Variants in ARHGAP26 observed in about 807,000 individuals in gnomAD.
The protein encoded by ARHGAP26 is Rho GTPase activating protein 26.
In ARHGAP26, 38 loss-of-function variants were observed where a neutral mutation model predicts 104.8. The observed-to-expected ratio is 0.36, with a 90% CI of 0.28 to 0.48. The LOEUF is 0.48. Among genes scored for constraint, ARHGAP26 ranks in the 20% least tolerant of loss-of-function variants. The pLI, the probability that ARHGAP26 is intolerant of heterozygous loss-of-function variation, is 0.99. For synonymous variants in ARHGAP26, 341 were observed against 340.0 expected (o/e 1.00, Z -0.03); for missense variants, 704 against 947.9 (o/e 0.74, Z 3.38).
At chr5:142,788,658 G>T (rs373917198) in intron 1 of ARHGAP26, among the ~76,000 whole-genome samples, 4 of 152,242 alleles carry the variant, frequency 2.6e-5, no homozygotes, top group African/African-American at 9.6e-5. Context: ...CTATTACCTT[G>T]TATTAGGTAT....
chr5:142,787,356 T>C (rs1161174345), intron 1 of ARHGAP26, among the ~76,000 whole-genome samples: 1 of 152,224 alleles, frequency 6.6e-6, no homozygotes, highest in Non-Finnish European at 1.5e-5. Context: ...TTTGGGTTAG[T>C]TGAACAGCTC....
intron 1 of ARHGAP26, among the ~76,000 whole-genome samples, chr5:142,813,286 A>G (rs1025468776): frequency 4.6e-5 from 7 of 152,154 alleles, no homozygotes; most frequent in African/African-American, 1.7e-4. Flanking sequence ...TGTGTAATTG[A>G]CATAAGATTT....
At chr5:143,167,236 G>A (rs913389476) in intron 20 of ARHGAP26, among the ~76,000 whole-genome samples, 7 of 150,968 alleles carry the variant, frequency 4.6e-5, no homozygotes, top group Non-Finnish European at 8.8e-5. Flanking sequence ...GGAGGCCAAG[G>A]TGGGTGGATC....
At chr5:142,974,996 C>T (rs963107648) in intron 11 of ARHGAP26, among the ~76,000 whole-genome samples, 3 of 152,126 alleles carry the variant, frequency 2.0e-5, no homozygotes, top group African/African-American at 7.2e-5. Context: ...AGATCTAGCA[C>T]CAAACCTCCC....
intron 17 of ARHGAP26, among the ~76,000 whole-genome samples, chr5:143,078,512 G>A (rs1233455823): frequency 6.6e-6 from 1 of 152,100 alleles, no homozygotes; most frequent in Non-Finnish European, 1.5e-5. Flanking sequence ...CTTTTAGTTT[G>A]CCATCTCAGA....
At chr5:143,173,394 G>A (rs1332926732) in intron 20 of ARHGAP26, among the ~76,000 whole-genome samples, 5 of 152,172 alleles carry the variant, frequency 3.3e-5, no homozygotes, top group Non-Finnish European at 7.3e-5. Context: ...AGCCACGAGG[G>A]CCTAGAGGGA....
At chr5:142,852,401 G>T (rs781249107) in intron 1 of ARHGAP26, among the ~76,000 whole-genome samples, 11 of 152,336 alleles carry the variant, frequency 7.2e-5, no homozygotes, top group South Asian at 4.1e-4. Flanking sequence ...TAAGGTCAAA[G>T]GCATTCTTGG....
chr5:143,188,961 G>T (rs765169114), intron 20 of ARHGAP26, among the ~76,000 whole-genome samples: 4 of 152,274 alleles, frequency 2.6e-5, no homozygotes, highest in African/African-American at 9.6e-5. Flanking sequence ...GTAGTTCCCC[G>T]TTTCCAAAAT....
At chr5:142,826,447 G>A (rs183659673) in intron 1 of ARHGAP26, among the ~76,000 whole-genome samples, 2 of 152,300 alleles carry the variant, frequency 1.3e-5, no homozygotes, top group Admixed American at 1.3e-4. Context: ...TTTAAAGAGG[G>A]GTAAATAAGT....
chr5:143,029,392 G>GTTTTTTT lies in ARHGAP26; in HGVS notation c.1145-7780_1145-7774dup, dbSNP rs536919888. On this transcript the variant is annotated intron_variant, in intron 12 of 22. Transcript: ENST00000645722. ...CATGTTAGAAATCCTTTACTTCTCAGTTTTTTTTTTTTTTTTTTTTTTTTT... is the reference window on the plus strand; with the variant it reads ...CATGTTAGAAATCCTTTACTTCTCAGTTTTTTTTTTTTTTTTTTTTTTTTTTTTTTTT... Among the ~76,000 whole-genome samples, 10 of 80,846 alleles carry GTTTTTTT rather than the reference G, an allele frequency of 1.2e-4. 1 individual carries two copies. Among genetic ancestry groups the GTTTTTTT allele is most frequent in the East Asian group, 8.7e-4 (2 of 2,298 alleles). 53.0% of individuals were successfully genotyped at this position (80,846 alleles called of 152,430 possible).
intron 5 of ARHGAP26, among the ~76,000 whole-genome samples, chr5:142,888,241 C>T (rs927262827): frequency 6.6e-6 from 1 of 152,244 alleles, no homozygotes; most frequent in Non-Finnish European, 1.5e-5. Context: ...AACTCCAGCA[C>T]TGGCTGTGCA....
chr5:142,827,808 TA>T (rs1767586151), intron 1 of ARHGAP26, among the ~76,000 whole-genome samples: 1 of 152,204 alleles, frequency 6.6e-6, no homozygotes, highest in African/African-American at 2.4e-5. Context: ...TTAATGCACA[TA>T]CCCTTAGTGT....
At chr5:142,816,762 T>A (rs1006182563) in intron 1 of ARHGAP26, among the ~76,000 whole-genome samples, 15 of 152,224 alleles carry the variant, frequency 9.9e-5, no homozygotes, top group African/African-American at 2.9e-4. Flanking sequence ...GCCAGGCAAG[T>A]CATTTGGGGT....
At chr5:143,185,087 G>A (rs1459799800) in intron 20 of ARHGAP26, among the ~76,000 whole-genome samples, 1 of 152,134 alleles carries the variant, frequency 6.6e-6, no homozygotes, top group Non-Finnish European at 1.5e-5. Flanking sequence ...ACACAGCCAT[G>A]AACTACAATG....
At chr5:143,026,579 C>T (rs564097065) in intron 12 of ARHGAP26, among the ~76,000 whole-genome samples, 1 of 152,086 alleles carries the variant, frequency 6.6e-6, no homozygotes, top group African/African-American at 2.4e-5. Flanking sequence ...TACTTGTGTT[C>T]TAGGAATATC....
chr5:143,196,845 G>A (rs1454078702), intron 20 of ARHGAP26, among the ~76,000 whole-genome samples: 1 of 152,178 alleles, frequency 6.6e-6, no homozygotes, highest in African/African-American at 2.4e-5. Flanking sequence ...CAAGGTTTTT[G>A]CTGCTCTGCA....
chr5:143,166,337 T>A (rs1385578319), intron 20 of ARHGAP26, among the ~76,000 whole-genome samples: 1 of 152,170 alleles, frequency 6.6e-6, no homozygotes, highest in Non-Finnish European at 1.5e-5. Flanking sequence ...CAGGAGAGGC[T>A]GCTTAGGGCT....
At position 143,133,997 on chromosome 5, in the gene ARHGAP26, A is replaced by G; in HGVS notation, c.1729A>G (p.Thr577Ala). The G allele has an allele frequency of 1.2e-6, 2 of 1,612,608 alleles. No individual in the cohort carries two copies. Among genetic ancestry groups the G allele is most frequent in the Non-Finnish European group, 1.7e-6 (2 of 1,179,222 alleles). Residue 577 changes from threonine to alanine, a missense_variant, in exon 19 of 23, where the codon ACC (threonine) becomes GCC (alanine). Thr to Ala is a moderately conservative substitution (Grantham distance 58, BLOSUM62 0). This residue lies in a region of ARHGAP26 where 217 missense variants were observed against 242.6 expected (regional missense o/e 0.89). Coordinates refer to ENST00000645722, the MANE Select transcript of ARHGAP26 (RefSeq NM_001135608.3). ...TAACACCGTGCCCGATATGCCTCTC[A>G]CCAATGCCCAGCTGCACCTGTCTCG... is the stretch of plus-strand genomic sequence containing the variant. ...IFNTVPDMPLTNAQLHLSRKK... is the reference protein window; with the variant it reads ...IFNTVPDMPLANAQLHLSRKK...
intron 19 of ARHGAP26, among the ~76,000 whole-genome samples, chr5:143,140,582 C>T (rs893981807): frequency 2.0e-5 from 3 of 152,124 alleles, no homozygotes; most frequent in Non-Finnish European, 4.4e-5. Flanking sequence ...TTGTATCTTA[C>T]AACTGACTAA....
Sources: gnomAD v4.1 joint callset for allele counts (sites outside exome capture counted in the v4.1 genomes callset) on GRCh38, gnomAD v4.1.1 for gene constraint, gnomAD v4.1.1 regional missense constraint, MANE v1.5 for transcripts, NCBI Gene and HGNC (gene_info 2026-07-23, HGNC 2026-07-21) for gene names.